Variants in TMEM71 observed in about 807,000 individuals in gnomAD.
TMEM71 encodes the protein transmembrane protein 71.
A neutral mutation model predicts 38.0 loss-of-function variants in TMEM71; 44 were observed. The ratio of observed to expected loss-of-function variants is 1.16; its 90% confidence interval spans 0.91 to 1.49. The LOEUF is 1.49. Among genes scored for constraint, TMEM71 ranks in the 40% most tolerant of loss-of-function variants. TMEM71 has a pLI of 0.00. For synonymous variants in TMEM71, 133 were observed against 122.5 expected, an observed-to-expected ratio of 1.09 and a Z score of -0.56; for missense variants, 367 against 348.6, an observed-to-expected ratio of 1.05 and a Z score of -0.42.
At chr8:132,728,048 G>T in intron 5 of TMEM71, 62 bp from the exon 6 acceptor site, 1 of 1,015,832 alleles carries the variant, frequency 9.8e-7, no homozygotes, top group Non-Finnish European at 1.4e-6. Context: ...GTGTGTGTGT[G>T]TTCAGTGACT....
chr8:132,775,431 A>T, the TMEM71 span: 1 of 386,014 alleles, frequency 2.6e-6, no homozygotes, highest in Non-Finnish European at 4.5e-6. Context: ...CGGCGATGGC[A>T]GCGGACCCTG....
chr8:132,745,643 G>A (rs911417763), intron 5 of TMEM71, among the ~76,000 whole-genome samples: 1 of 151,884 alleles, frequency 6.6e-6, no homozygotes, highest in Non-Finnish European at 1.5e-5. Context: ...TTAGAACCAC[G>A]ATTTCATCCA....
intron 5 of TMEM71, among the ~76,000 whole-genome samples, chr8:132,729,654 C>T (rs979257257): frequency 3.3e-5 from 5 of 152,134 alleles, no homozygotes; most frequent in African/African-American, 9.7e-5. Context: ...TCTAAGCATA[C>T]GCTGTGGACA....
chr8:132,734,268 T>A (rs927593240), intron 5 of TMEM71, among the ~76,000 whole-genome samples: 1 of 151,982 alleles, frequency 6.6e-6, no homozygotes, highest in Admixed American at 6.6e-5. Flanking sequence ...AATTCACAGG[T>A]GTCTGCATAT....
At chr8:132,739,840 C>T (rs965599143) in intron 5 of TMEM71, among the ~76,000 whole-genome samples, 8 of 152,170 alleles carry the variant, frequency 5.3e-5, no homozygotes, top group Non-Finnish European at 2.9e-5. Context: ...CTCACAGCCA[C>T]GTAGGCAAAT....
Position 132,758,899 on chromosome 8 carries a change from CA to C in TMEM71, c.-21del, listed in dbSNP as rs1403672983. The C allele has an allele frequency of 6.2e-7, 1 of 1,611,308 alleles. No individual in the cohort carries two copies. The highest frequency in any genetic ancestry group is 1.3e-5 in the African/African-American group (1 of 74,858). On this transcript the variant is annotated 5_prime_UTR_variant, in exon 2 of 10. It removes the in-frame stop codon of an upstream open reading frame in the 5' UTR. Transcript: ENST00000677595. ...GTACATCTTGGGAAGGCCGCTTGCTCAAACTTCACAGATTCTCTGCAAAAGA... is the reference window on the plus strand; with the variant it reads ...GTACATCTTGGGAAGGCCGCTTGCTCAACTTCACAGATTCTCTGCAAAAGA...
chr8:132,750,627 G>T (rs1305439757), intron 4 of TMEM71, among the ~76,000 whole-genome samples: 3 of 152,156 alleles, frequency 2.0e-5, no homozygotes, highest in African/African-American at 7.2e-5. Flanking sequence ...ATTAAGATTT[G>T]ATAGTTATTT....
At chr8:132,746,438 T>TACATATATATAC (rs1828371107) in intron 5 of TMEM71, among the ~76,000 whole-genome samples, 4 of 16,128 alleles carry the variant, frequency 2.5e-4, no homozygotes, top group East Asian at 1.9e-3. Flanking sequence ...CATATATATA[T>TACATATATATAC]ACATATACAT....
chr8:132,720,117 A>G (rs1036530482), intron 7 of TMEM71, among the ~76,000 whole-genome samples: 1 of 152,156 alleles, frequency 6.6e-6, no homozygotes, highest in Non-Finnish European at 1.5e-5. Flanking sequence ...ACCACGTCGT[A>G]TCAAGGGGAC....
intron 7 of TMEM71, among the ~76,000 whole-genome samples, chr8:132,719,295 A>G (rs1345076224): frequency 2.6e-5 from 4 of 152,222 alleles, no homozygotes; most frequent in Non-Finnish European, 4.4e-5. Flanking sequence ...AAAATTCAAA[A>G]TCTGAAATGC....
At chr8:132,713,032 C>T (rs922395872) in intron 9 of TMEM71, among the ~76,000 whole-genome samples, 6 of 151,358 alleles carry the variant, frequency 4.0e-5, no homozygotes, top group Non-Finnish European at 5.9e-5. Flanking sequence ...GTCTATTTTT[C>T]GTAGGTCTCA....
At chr8:132,743,931 T>G (rs919555614) in intron 5 of TMEM71, among the ~76,000 whole-genome samples, 1 of 152,168 alleles carries the variant, frequency 6.6e-6, no homozygotes, top group African/African-American at 2.4e-5. Flanking sequence ...CAAAATCCTC[T>G]CTCATTGTCT....
chr8:132,733,236 T>G (rs376999182), intron 5 of TMEM71, among the ~76,000 whole-genome samples: 1 of 152,210 alleles, frequency 6.6e-6, no homozygotes, highest in Admixed American at 6.5e-5. Context: ...GGTCACTTCA[T>G]CTGTCCCAGA....
At chr8:132,756,411 T>TATA (rs1554619985) in intron 3 of TMEM71, among the ~76,000 whole-genome samples, 19 of 115,834 alleles carry the variant, frequency 1.6e-4, no homozygotes, top group Admixed American at 2.6e-4. Context: ...AACATATATA[T>TATA]TATATATATA....
upstream of TMEM71, among the ~76,000 whole-genome samples, chr8:132,765,457 G>T (rs528250479): frequency 9.9e-5 from 15 of 152,274 alleles, no homozygotes; most frequent in African/African-American, 3.6e-4. Flanking sequence ...AGTATACCCG[G>T]CAATGAGGGT....
chr8:132,772,516 T>C, the TMEM71 span, among the ~76,000 whole-genome samples: 1 of 152,202 alleles, frequency 6.6e-6, no homozygotes, highest in African/African-American at 2.4e-5. Flanking sequence ...ACTCTGATCC[T>C]GACCTTTGAC....
At chr8:132,715,039 A>C (rs1453979547) in intron 7 of TMEM71, among the ~76,000 whole-genome samples, 1 of 152,214 alleles carries the variant, frequency 6.6e-6, no homozygotes, top group Non-Finnish European at 1.5e-5. Flanking sequence ...GAATGGCTAA[A>C]ACCCAAACAA....
the TMEM71 span, among the ~76,000 whole-genome samples, chr8:132,768,166 G>T: frequency 1.3e-5 from 2 of 152,180 alleles, no homozygotes; most frequent in Non-Finnish European, 2.9e-5. Context: ...AATAGTTCAT[G>T]TCCAGGTAGT....
chr8:132,709,879 T>A (rs1006186549), downstream of TMEM71: 17 of 152,064 alleles, frequency 1.1e-4, no homozygotes, highest in African/African-American at 4.1e-4. Context: ...CAATGAATGA[T>A]GTTCTGCCAT....
Sources: allele counts gnomAD v4.1 joint callset (sites outside exome capture counted in the v4.1 genomes callset), GRCh38; gene constraint gnomAD v4.1.1; transcripts MANE v1.5; gene names NCBI Gene and HGNC (gene_info 2026-07-23, HGNC 2026-07-21).